Variants in DDIAS observed in about 807,000 individuals in gnomAD.
DDIAS encodes DNA damage-induced apoptosis suppressor protein.
A neutral mutation model predicts 15.7 loss-of-function variants in DDIAS; 14 were observed. The ratio of observed to expected loss-of-function variants is 0.89; its 90% CI spans 0.59 to 1.39. DDIAS has a LOEUF of 1.39. DDIAS is among the 40% of genes most tolerant of loss of function. DDIAS has a pLI of 0.00. For synonymous variants in DDIAS, 355 were observed against 395.9 expected, an observed-to-expected ratio of 0.90 and a Z score of 1.23; for missense variants, 1,035 against 1,130.9, an observed-to-expected ratio of 0.92 and a Z score of 1.22.
intron 3 of DDIAS, among the ~76,000 whole-genome samples, chr11:82,926,088 A>ATTTTTTTT (rs71063242): frequency 6.7e-5 from 9 of 133,996 alleles, no homozygotes; most frequent in Admixed American, 1.6e-4. Flanking sequence ...TTGGCAAGTA[A>ATTTTTTTT]TTTTTTTTTT....
At position 82,931,614 on chromosome 11, in the gene DDIAS, C is replaced by A. The variant is rs954697706; in HGVS notation, c.394-118C>A. 6.9e-6 allele frequency: 6 copies of A among 866,108 alleles called. No homozygotes were observed. In the South Asian group the frequency reaches 9.1e-5, roughly 13 times the overall value. 53.7% of individuals were successfully genotyped at this position (866,108 alleles called of 1,614,324 possible). The stretch of plus-strand genomic sequence containing the variant: ...GCTCAAGTGATCTGCCTGCCTCGGC[C>A]TCTCAAAGTGCTGGGATTACAGGCA... On this transcript the variant is annotated intron_variant, in intron 5 of 5. Coordinates refer to ENST00000533655, the MANE Select transcript of DDIAS (RefSeq NM_145018.4).
intron 3 of DDIAS, among the ~76,000 whole-genome samples, chr11:82,924,973 T>C (rs1435437478): frequency 6.6e-6 from 1 of 152,188 alleles, no homozygotes; most frequent in Non-Finnish European, 1.5e-5. Flanking sequence ...TCTAAGGCAT[T>C]ATTTGCCTTT....
At chr11:82,922,880 T>G (rs981332525) in intron 3 of DDIAS, among the ~76,000 whole-genome samples, 1 of 152,166 alleles carries the variant, frequency 6.6e-6, no homozygotes, top group East Asian at 1.9e-4. Context: ...CCACAGGATG[T>G]TCCCTTGATG....
At chr11:82,926,241 C>A (rs1860860063) in intron 3 of DDIAS, among the ~76,000 whole-genome samples, 1 of 151,840 alleles carries the variant, frequency 6.6e-6, no homozygotes, top group Non-Finnish European at 1.5e-5. Context: ...AGGCGCATGC[C>A]ACCACGTTCG....
Position 82,913,860 on chromosome 11 carries a change from C to T in DDIAS, c.-17+474C>T, listed in dbSNP as rs113495465. 2,364 of 395,428 alleles carry T rather than the reference C, an allele frequency of 6.0e-3. 43 individuals carry two copies. The highest frequency in any genetic ancestry group is 0.045 in the African/African-American group (2,125 of 46,896). The allele number at this position is 395,428 out of a possible 1,614,324, so 24.5% of individuals were successfully genotyped here. On this transcript the variant is annotated intron_variant, in intron 2 of 5. Coordinates refer to ENST00000533655, the MANE Select transcript of DDIAS (RefSeq NM_145018.4). ...TAATTAATGAGATGCAGGAATGGGA[C>T]CCAAGTCTAAACATAAAATTTGTTT...
At chr11:82,914,962 C>T (rs537271353) in intron 3 of DDIAS, 111 bp downstream of exon 3, 363 of 666,868 alleles carry the variant, frequency 5.4e-4, no homozygotes, top group Non-Finnish European at 7.0e-4. Flanking sequence ...TAGATTCTCT[C>T]AGGGGTTGGT....
At chr11:82,931,129 T>C (rs1025666861) in intron 5 of DDIAS, among the ~76,000 whole-genome samples, 5 of 152,216 alleles carry the variant, frequency 3.3e-5, no homozygotes, top group Non-Finnish European at 5.9e-5. Flanking sequence ...TTTTTATTTT[T>C]ATTTTATAAA....
intron 5 of DDIAS, 49 bp downstream of exon 5, chr11:82,930,323 T>C: frequency 7.8e-7 from 1 of 1,279,484 alleles, no homozygotes; most frequent in Non-Finnish European, 1.1e-6. Context: ...ATTTCCATTG[T>C]AATGAATTAT....
Position 82,931,965 on chromosome 11 carries a change from C to T in DDIAS, c.627C>T (p.His209=), listed in dbSNP as rs752070461. The T allele has an allele frequency of 6.2e-7, 1 of 1,614,104 alleles. No individual in the cohort carries two copies. Among genetic ancestry groups the T allele is most frequent in the Non-Finnish European group, 8.5e-7 (1 of 1,179,964 alleles). The change falls in exon 6 of 6, where the codon CAC becomes CAT. Residue 209 remains histidine, a synonymous_variant. Transcript: ENST00000533655. ...ACAATCACTTACTTGCTTTAGATCA[C>T]TCAAATAGTGATCTCAGCAGCATAT... is the stretch of plus-strand genomic sequence containing the variant. The part of the protein sequence containing the change: ...APNNHLLALD[H]SNSDLSSIYT...
At chr11:82,918,175 T>G (rs1860669009) in intron 3 of DDIAS, among the ~76,000 whole-genome samples, 1 of 152,234 alleles carries the variant, frequency 6.6e-6, no homozygotes, top group South Asian at 2.1e-4. Flanking sequence ...CATTTGCTTT[T>G]GGGTACGCCA....
Position 82,934,015 on chromosome 11 carries a change from C to T in DDIAS, c.2677C>T (p.His893Tyr), listed in dbSNP as rs773081310. 6.2e-7 allele frequency: 1 copy of T among 1,613,820 alleles called. No individual in the cohort carries two copies. Among genetic ancestry groups the T allele is most frequent in the Non-Finnish European group, 8.5e-7 (1 of 1,179,962 alleles). The change falls in exon 6 of 6, where the codon CAT (histidine) becomes TAT (tyrosine). Residue 893 changes from histidine (H) to tyrosine (Y), a missense_variant. Transcript: ENST00000533655. ...IGLGKCLAAY[H>Y]FPDQQELPRK... ...TCTAGGGAAATGCCTTGCTGCCTAT[C>T]ATTTCCCTGATCAACAAGAGTTACC...
rs186919564 is a variant in DDIAS, at chr11:82,913,979, C to T, written c.-17+593C>T. Reference sequence around the variant, plus strand: ...TAGATGGAGTTTTGCTCTTGTTGCCCAGGCTGAAGTGCCATGGTGCAATCT... The same window carrying T: ...TAGATGGAGTTTTGCTCTTGTTGCCTAGGCTGAAGTGCCATGGTGCAATCT... On this transcript the variant is annotated intron_variant, in intron 2 of 5. Transcript: ENST00000533655. 448 of 431,750 alleles carry T rather than the reference C, an allele frequency of 1.0e-3. 1 individual carries two copies. The highest frequency in any genetic ancestry group is 2.2e-3 in the Admixed American group (80 of 36,994). 26.7% of individuals were successfully genotyped at this position (431,750 alleles called of 1,614,324 possible).
chr11:82,905,564 C>A (rs1428715624), intron 1 of DDIAS, among the ~76,000 whole-genome samples: 1 of 152,036 alleles, frequency 6.6e-6, no homozygotes, highest in African/African-American at 2.4e-5. Context: ...CTTCTCTTTC[C>A]CCATTCCTCC....
intron 3 of DDIAS, among the ~76,000 whole-genome samples, chr11:82,927,021 A>C (rs1364117704): frequency 2.0e-5 from 3 of 152,188 alleles, no homozygotes; most frequent in African/African-American, 7.2e-5. Context: ...ACGAGTTCAC[A>C]GTCTTGGGTT....
intron 2 of DDIAS, chr11:82,913,590 C>A: frequency 2.8e-6 from 1 of 354,868 alleles, no homozygotes; most frequent in Non-Finnish European, 5.4e-6. Flanking sequence ...TTTGAGCTAT[C>A]ATTTGACATG....
At chr11:82,902,490 G>A (rs923733695) in intron 1 of DDIAS, among the ~76,000 whole-genome samples, 1 of 151,712 alleles carries the variant, frequency 6.6e-6, no homozygotes, top group Non-Finnish European at 1.5e-5. Flanking sequence ...ATTTGACCGA[G>A]GCACTCCCCA....
chr11:82,907,512 G>A lies in DDIAS; in HGVS notation c.-117+5690G>A, dbSNP rs559832942. Reference sequence around the variant, plus strand: ...CCTACTCTGTTGTAAAAATTTTCTTGAATTGCAAAATTCTGCTTATAGTTC... The same window carrying A: ...CCTACTCTGTTGTAAAAATTTTCTTAAATTGCAAAATTCTGCTTATAGTTC... On this transcript the variant is annotated intron_variant, in intron 1 of 5. Coordinates refer to ENST00000533655, the MANE Select transcript of DDIAS (RefSeq NM_145018.4). Among the ~76,000 whole-genome samples, 11 of 152,298 alleles carry A rather than the reference G, an allele frequency of 7.2e-5. No individual in the cohort carries two copies. The East Asian group carries it at 2.1e-3, about 29-fold the overall frequency.
chr11:82,930,759 A>AGTT (rs1204796328), intron 5 of DDIAS, among the ~76,000 whole-genome samples: 13 of 152,002 alleles, frequency 8.6e-5, no homozygotes, highest in South Asian at 2.1e-4. Flanking sequence ...AAAAAAAAGA[A>AGTT]GTTACTCCTT....
chr11:82,919,846 C>T lies in DDIAS; in HGVS notation c.113+4995C>T, dbSNP rs1010296242. The stretch of plus-strand genomic sequence containing the variant: ...TCTCTTCACGCCATTCTGCCTCAGC[C>T]TCCTGAGTAGCTGGGACTACTGGTG... On this transcript the variant is annotated intron_variant, in intron 3 of 5. Coordinates refer to ENST00000533655, the MANE Select transcript of DDIAS (RefSeq NM_145018.4). Among the ~76,000 whole-genome samples the T allele has an allele frequency of 9.9e-5, 15 of 152,174 alleles. No homozygotes were observed. In the South Asian group the frequency reaches 1.0e-3, roughly 11 times the overall value.
Sources: gnomAD v4.1 joint callset for allele counts (sites outside exome capture counted in the v4.1 genomes callset) on GRCh38, gnomAD v4.1.1 for gene constraint, MANE v1.5 for transcripts, NCBI Gene and HGNC (gene_info 2026-07-23, HGNC 2026-07-21) for gene names.